CCDC18: variants seen among roughly 807,000 people sequenced by gnomAD.
CCDC18 encodes coiled-coil domain containing 18.
In CCDC18, 157 loss-of-function variants were observed where a neutral mutation model predicts 196.0. That is an observed-to-expected ratio of 0.80 (90% CI 0.70 to 0.91). The LOEUF (loss-of-function observed/expected upper bound fraction) is 0.91, where lower values mean the gene tolerates loss of function less well. Ranked by LOEUF, CCDC18 falls within the 40% of genes least tolerant of loss-of-function variation. The pLI, the probability that CCDC18 is intolerant of heterozygous loss-of-function variation, is 0.00. For missense variants in CCDC18, 1,465 were observed against 1,611.6 expected, an observed-to-expected ratio of 0.91 and a Z score of 1.56; for synonymous variants, 482 against 529.2, an observed-to-expected ratio of 0.91 and a Z score of 1.22.
chr1:93,216,931 T>TTCTC (rs201682327), intron 13 of CCDC18, among the ~76,000 whole-genome samples, 185 bp downstream of exon 13: 3 of 107,468 alleles, frequency 2.8e-5, no homozygotes, highest in South Asian at 2.5e-4. Context: ...TATCCAAGTT[T>TTCTC]TCTCTTTTTT....
At chr1:93,264,161 G>A (rs1305459387) in intron 26 of CCDC18, among the ~76,000 whole-genome samples, 1 of 152,122 alleles carries the variant, frequency 6.6e-6, no homozygotes, top group African/African-American at 2.4e-5. Context: ...CAGATCTCAT[G>A]AGAACTCACT....
At chr1:93,181,806 G>C (rs1649760469) in intron 1 of CCDC18, among the ~76,000 whole-genome samples, 1 of 152,060 alleles carries the variant, frequency 6.6e-6, no homozygotes, top group South Asian at 2.1e-4. Flanking sequence ...TAGTAGATAC[G>C]GGGTTTCACC....
chr1:93,234,718 C>T (rs976597551), intron 18 of CCDC18, among the ~76,000 whole-genome samples: 1 of 151,888 alleles, frequency 6.6e-6, no homozygotes, highest in African/African-American at 2.4e-5. Context: ...TCCCTTTTTA[C>T]CTGGGTACTG....
intron 21 of CCDC18, among the ~76,000 whole-genome samples, chr1:93,240,203 C>T (rs2100838104): frequency 6.6e-6 from 1 of 152,274 alleles, no homozygotes; most frequent in South Asian, 2.1e-4. Flanking sequence ...TGTATTAAGT[C>T]CTTATTTTAT....
chr1:93,192,215 G>A (rs2101647582), intron 5 of CCDC18, 109 bp downstream of exon 5: 3 of 705,608 alleles, frequency 4.3e-6, no homozygotes, highest in South Asian at 1.9e-5. Flanking sequence ...TAACCTAATG[G>A]TGTTCAGCTG....
At chr1:93,216,420 TTTC>T (rs1293465362) in intron 12 of CCDC18, among the ~76,000 whole-genome samples, 1 of 152,230 alleles carries the variant, frequency 6.6e-6, no homozygotes, top group Non-Finnish European at 1.5e-5. Flanking sequence ...AGTATTTGTT[TTTC>T]TTCTTAATTG....
At chr1:93,238,048 C>A (rs924320707) in intron 19 of CCDC18, among the ~76,000 whole-genome samples, 12 of 152,134 alleles carry the variant, frequency 7.9e-5, no homozygotes, top group African/African-American at 2.4e-4. Context: ...GAGGCATATA[C>A]AGTTCTGTTT....
At chr1:93,221,769 A>G (rs777370739) in intron 15 of CCDC18, 26 bp downstream of exon 15, 5 of 1,596,942 alleles carry the variant, frequency 3.1e-6, no homozygotes, top group Non-Finnish European at 4.3e-6. Flanking sequence ...TAAAAGTGCT[A>G]TTTAGAAGTT....
upstream of CCDC18, chr1:93,180,509 C>T (rs1445787640): frequency 2.6e-6 from 4 of 1,537,448 alleles, no homozygotes; most frequent in East Asian, 2.6e-5. Context: ...CCCGCCTCTC[C>T]CCCTGACGGC....
At position 93,183,969 on chromosome 1, in the gene CCDC18, T is replaced by C. The variant is rs771900539; in HGVS notation, c.135-9T>C. 6.1e-6 allele frequency: 9 copies of C among 1,485,728 alleles called. No homozygotes were observed. The East Asian group carries it at 7.3e-5, about 12-fold the overall frequency. The allele number at this position is 1,485,728 out of a possible 1,614,324, so 92.0% of individuals were successfully genotyped here. A position where few individuals can be genotyped will look rare whatever the true frequency, so the allele number is the denominator to read the frequency against. ...AAGAACTGAAATATGTTTTTTCTTT[T>C]TTCTCTAGTGTTAGTCCAAGTGAAA... On this transcript the variant is annotated splice_polypyrimidine_tract_variant and intron_variant, in intron 2 of 28. Coordinates refer to ENST00000690025, the MANE Select transcript of CCDC18 (RefSeq NM_001378204.1).
At chr1:93,251,567 G>GT (rs200927922) in intron 23 of CCDC18, among the ~76,000 whole-genome samples, 4 of 151,642 alleles carry the variant, frequency 2.6e-5, no homozygotes, top group East Asian at 1.9e-4. Context: ...TGATTGACAG[G>GT]TTTTTTTTGT....
intron 10 of CCDC18, 21 bp from the exon 11 acceptor site, chr1:93,212,080 C>G (rs1557633820): frequency 6.3e-7 from 1 of 1,575,170 alleles, no homozygotes; most frequent in Non-Finnish European, 8.6e-7. Context: ...ATAATTTTTC[C>G]CTTCTTTTCT....
Position 93,184,015 on chromosome 1 carries a change from C to T in CCDC18, c.172C>T (p.Pro58Ser). 6.4e-7 allele frequency: 1 copy of T among 1,573,758 alleles called. No homozygotes were observed. Among genetic ancestry groups the T allele is most frequent in the Non-Finnish European group, 8.7e-7 (1 of 1,155,544 alleles). ...TGAAAATTCTGATTATGCCCCTAAT[C>T]CTTCAAGGTCTGAAAAGCTAATTTT... ...PSENSDYAPN[P>S]SRSEKLILDV... The change falls in exon 3 of 29, where the codon CCT becomes TCT. Residue 58 changes from proline (P) to serine (S), a missense_variant. Pro to Ser is a moderately conservative substitution (Grantham distance 74, BLOSUM62 -1). Transcript: ENST00000690025.
At position 93,254,684 on chromosome 1, in the gene CCDC18, A is replaced by G. The variant is rs535413136; in HGVS notation, c.3342+70A>G. The stretch of plus-strand genomic sequence containing the variant: ...TGAGTGAAATGAATCTTTATGTTTT[A>G]AACTGGTTGGTTTTAATATACAGAA... On this transcript the variant is annotated intron_variant, in intron 24 of 28. Coordinates refer to ENST00000690025, the MANE Select transcript of CCDC18 (RefSeq NM_001378204.1). 7.9e-5 allele frequency: 114 copies of G among 1,440,696 alleles called. No homozygotes were observed. The African/African-American group carries it at 1.5e-3, about 19-fold the overall frequency. The allele number at this position is 1,440,696 out of a possible 1,614,324, so 89.2% of individuals were successfully genotyped here.
rs575526672 is a variant in CCDC18, at chr1:93,231,116, C to T, written c.2293-1310C>T. On this transcript the variant is annotated intron_variant, in intron 17 of 28. Coordinates refer to ENST00000690025, the MANE Select transcript of CCDC18 (RefSeq NM_001378204.1). ...CATAATGAGCAAAGAATATTTGGCCCTGAAGGCCTTAATGTTCACCTGCTG... is the reference window on the plus strand; with the variant it reads ...CATAATGAGCAAAGAATATTTGGCCTTGAAGGCCTTAATGTTCACCTGCTG... Among the ~76,000 whole-genome samples, 3 of 152,298 alleles carry T rather than the reference C, an allele frequency of 2.0e-5. No homozygotes were observed. In the South Asian group the frequency reaches 6.2e-4, roughly 32 times the overall value.
At chr1:93,189,280 T>C (rs906689670) in intron 4 of CCDC18, among the ~76,000 whole-genome samples, 53 of 152,382 alleles carry the variant, frequency 3.5e-4, no homozygotes, top group African/African-American at 1.2e-3. Flanking sequence ...TTTAGTTCCA[T>C]CCATGTTGTT....
Position 93,217,831 on chromosome 1 carries a change from T to G in CCDC18, c.1924T>G (p.Leu642Val). Reference sequence around the variant, plus strand: ...CTTTGAAAAAGCAAAGAAAATTCACTTGGAACAGCATAAAGAAATGGAAAA... The same window carrying G: ...CTTTGAAAAAGCAAAGAAAATTCACGTGGAACAGCATAAAGAAATGGAAAA... Reference protein sequence around the residue: ...LAFEKAKKIHLEQHKEMEKQI... With the variant: ...LAFEKAKKIHVEQHKEMEKQI... Residue 642 changes from leucine to valine, a missense_variant, in exon 14 of 29, where the codon TTG becomes GTG. Transcript: ENST00000690025. 1.9e-6 allele frequency: 3 copies of G among 1,612,724 alleles called. No individual in the cohort carries two copies. The highest frequency in any genetic ancestry group is 1.7e-6 in the Non-Finnish European group (2 of 1,178,814).
intron 27 of CCDC18, among the ~76,000 whole-genome samples, chr1:93,267,391 G>A (rs374491818): frequency 8.5e-4 from 130 of 152,234 alleles, no homozygotes; most frequent in African/African-American, 1.7e-3. Context: ...CAAGACAGGG[G>A]TGCCCTCTCT....
Position 93,221,914 on chromosome 1 carries a change from A to C in CCDC18, c.2153A>C (p.Gln718Pro). 1 of 1,593,654 alleles carries C rather than the reference A, an allele frequency of 6.3e-7. No individual in the cohort carries two copies. The highest frequency in any genetic ancestry group is 8.6e-7 in the Non-Finnish European group (1 of 1,168,338). ...KDEALKALQN[Q>P]VSEETIKVRQ... The stretch of plus-strand genomic sequence containing the variant: ...GAAGCTTTAAAAGCATTACAGAACC[A>C]AGTATCTGAAGAAACAATCAAGGCT... Residue 718 changes from glutamine (Q) to proline (P), a missense_variant, in exon 16 of 29, where the codon CAA becomes CCA. Physicochemically the swap from Gln to Pro is moderately conservative, Grantham distance 76. Transcript: ENST00000690025.
Sources: gnomAD v4.1 joint callset for allele counts (sites outside exome capture counted in the v4.1 genomes callset) on GRCh38, gnomAD v4.1.1 for gene constraint, MANE v1.5 for transcripts, NCBI Gene and HGNC (gene_info 2026-07-23, HGNC 2026-07-21) for gene names.